MYO16: variants seen among roughly 807,000 people sequenced by gnomAD.
MYO16 encodes the protein myosin XVI.
A neutral mutation model predicts 205.3 loss-of-function variants in MYO16; 94 were observed. That is an observed-to-expected ratio of 0.46 (90% CI 0.39 to 0.54). The LOEUF (loss-of-function observed/expected upper bound fraction) is 0.54, where lower values mean the gene tolerates loss of function less well. MYO16 is among the 20% of genes least tolerant of loss of function. The pLI, the probability that MYO16 is intolerant of heterozygous loss-of-function variation, is 0.00. For synonymous variants in MYO16, 988 were observed against 954.0 expected (o/e 1.04, Z -0.66); for missense variants, 2,315 against 2,387.5 (o/e 0.97, Z 0.63).
chr13:108,943,772 A>C (rs928070780), intron 16 of MYO16, among the ~76,000 whole-genome samples: 7 of 152,174 alleles, frequency 4.6e-5, no homozygotes, highest in Non-Finnish European at 7.4e-5. Flanking sequence ...TTTTTAGTAG[A>C]GATGGGGTTT....
intron 27 of MYO16, among the ~76,000 whole-genome samples, chr13:109,069,924 G>T (rs9521152): frequency 0.5 from 75,642 of 151,632 alleles, 18,858 homozygotes; most frequent in Middle Eastern, 0.55. Context: ...AGTCTCTCAT[G>T]ATCTTTACAT....
chr13:109,132,431 A>G (rs1876584297), intron 31 of MYO16, among the ~76,000 whole-genome samples: 1 of 152,224 alleles, frequency 6.6e-6, no homozygotes, highest in South Asian at 2.1e-4. Context: ...TTAATTTGGA[A>G]ATAATATGTC....
At chr13:109,024,907 C>CA (rs1886312932) in intron 23 of MYO16, among the ~76,000 whole-genome samples, 1 of 151,910 alleles carries the variant, frequency 6.6e-6, no homozygotes, top group Admixed American at 6.6e-5. Flanking sequence ...ACTGCAGTTT[C>CA]AAAAAAAGCA....
At chr13:108,859,726 T>C (rs1195494556) in intron 11 of MYO16, among the ~76,000 whole-genome samples, 1 of 152,132 alleles carries the variant, frequency 6.6e-6, no homozygotes, top group Non-Finnish European at 1.5e-5. Flanking sequence ...GAACAGAATA[T>C]GCAGTCAAAT....
At chr13:109,085,540 C>T (rs141279786) in intron 27 of MYO16, among the ~76,000 whole-genome samples, 3 of 152,086 alleles carry the variant, frequency 2.0e-5, no homozygotes, top group African/African-American at 4.8e-5. Context: ...CTTGGGAGAT[C>T]GAAGCTGTGC....
chr13:109,184,871 C>T (rs916166832), intron 34 of MYO16, among the ~76,000 whole-genome samples: 4 of 152,140 alleles, frequency 2.6e-5, no homozygotes, highest in South Asian at 2.1e-4. Context: ...CAGGTTCAAG[C>T]GATTCTCCTG....
intron 28 of MYO16, among the ~76,000 whole-genome samples, chr13:109,105,265 G>A (rs910525310): frequency 6.6e-6 from 1 of 152,234 alleles, no homozygotes; most frequent in Admixed American, 6.5e-5. Context: ...GGGATCAGGA[G>A]TTCAAGACCA....
intron 4 of MYO16, among the ~76,000 whole-genome samples, chr13:108,733,813 C>T (rs946898871): frequency 5.9e-5 from 9 of 151,946 alleles, no homozygotes; most frequent in African/African-American, 9.7e-5. Context: ...ACTAAAAATA[C>T]GAAAAATTAG....
chr13:109,073,801 A>G (rs1334787262), intron 27 of MYO16, among the ~76,000 whole-genome samples: 5 of 152,242 alleles, frequency 3.3e-5, no homozygotes. Flanking sequence ...TATCCAATAC[A>G]AGTGACTAAT....
At chr13:109,153,862 G>A (rs959453982) in intron 32 of MYO16, among the ~76,000 whole-genome samples, 1 of 152,244 alleles carries the variant, frequency 6.6e-6, no homozygotes, top group Non-Finnish European at 1.5e-5. Context: ...ACCTCATGGT[G>A]TCTTCCTGTG....
chr13:108,787,655 A>G (rs1886499277), intron 5 of MYO16, among the ~76,000 whole-genome samples: 3 of 152,216 alleles, frequency 2.0e-5, no homozygotes, highest in Admixed American at 6.5e-5. Context: ...ACAAAACAAA[A>G]CAAAACAAAA....
intron 4 of MYO16, among the ~76,000 whole-genome samples, chr13:108,743,957 C>A (rs1204173865): frequency 6.6e-6 from 1 of 152,216 alleles, no homozygotes; most frequent in African/African-American, 2.4e-5. Context: ...ACTTCAATTT[C>A]TTACATATCA....
At chr13:108,874,696 CATTATT>C (rs34831399) in intron 12 of MYO16, among the ~76,000 whole-genome samples, 3,556 of 106,792 alleles carry the variant, frequency 0.033, 78 homozygotes, top group African/African-American at 0.069. Flanking sequence ...TCATCATCAT[CATTATT>C]ATTATTATTA....
At chr13:109,154,911 GAAAAA>G (rs59465499) in intron 32 of MYO16, among the ~76,000 whole-genome samples, 16 of 62,686 alleles carry the variant, frequency 2.6e-4, no homozygotes, top group East Asian at 9.3e-4. Context: ...GGCTAATTAT[GAAAAA>G]AAAAAAAAAA....
At chr13:108,765,322 A>T (rs7981340) in intron 4 of MYO16, among the ~76,000 whole-genome samples, 85,011 of 151,998 alleles carry the variant, frequency 0.56, 24,726 homozygotes, top group East Asian at 0.87. Context: ...TTTTCTAATG[A>T]TATTACACTA....
At chr13:108,940,822 CT>C (rs1882693751) in intron 16 of MYO16, among the ~76,000 whole-genome samples, 1 of 152,150 alleles carries the variant, frequency 6.6e-6, no homozygotes, top group African/African-American at 2.4e-5. Context: ...ATATACTATA[CT>C]GCAAATACAA....
intron 31 of MYO16, among the ~76,000 whole-genome samples, chr13:109,128,387 C>G (rs1876365465): frequency 6.6e-6 from 1 of 152,126 alleles, no homozygotes; most frequent in African/African-American, 2.4e-5. Context: ...GGTTGAGATT[C>G]TAAATGAAAC....
intron 13 of MYO16, among the ~76,000 whole-genome samples, chr13:108,886,086 G>C (rs958255174): frequency 1.1e-4 from 17 of 152,032 alleles, no homozygotes; most frequent in South Asian, 4.2e-4. Flanking sequence ...CTCCCGGGTT[G>C]ACGTCATTCT....
the MYO16 span, among the ~76,000 whole-genome samples, chr13:108,502,469 G>C: frequency 6.6e-6 from 1 of 152,134 alleles, no homozygotes; most frequent in African/African-American, 2.4e-5. Context: ...CAGTGAGTTT[G>C]ATGTTCAAAT....
Sources: allele counts gnomAD v4.1 joint callset (sites outside exome capture counted in the v4.1 genomes callset), GRCh38; gene constraint gnomAD v4.1.1; transcripts MANE v1.5; gene names NCBI Gene and HGNC (gene_info 2026-07-23, HGNC 2026-07-21).